The following WDR1 variants were observed in gnomAD, a reference collection of about 807,000 sequenced individuals.
WDR1 encodes WD repeat domain 1, also known as WD repeat-containing protein 1.
Under a neutral mutation model 71.9 loss-of-function variants are expected in WDR1, and 21 were observed. The observed-to-expected ratio is 0.29, with a 90% confidence interval of 0.21 to 0.42. The LOEUF (loss-of-function observed/expected upper bound fraction) is 0.42, where lower values mean the gene tolerates loss of function less well. Among genes scored for constraint, WDR1 ranks in the 10% least tolerant of loss-of-function variants. WDR1 has a pLI of 1.00. For missense variants in WDR1, 696 were observed against 824.5 expected (o/e 0.84, Z 1.91); for synonymous variants, 424 against 347.4 (o/e 1.22, Z -2.45).
At chr4:10,099,788 C>T (rs189001469) in intron 3 of WDR1, among the ~76,000 whole-genome samples, 3 of 152,372 alleles carry the variant, frequency 2.0e-5, no homozygotes, top group East Asian at 1.9e-4. Context: ...AGCAGTTCCA[C>T]GACGCACAGG....
intron 5 of WDR1, chr4:10,095,828 G>A (rs1480895793): frequency 6.6e-6 from 1 of 152,230 alleles, no homozygotes; most frequent in Non-Finnish European, 1.5e-5. Flanking sequence ...ACCCGAGGGG[G>A]GCACAGCCAC....
intron 8 of WDR1, among the ~76,000 whole-genome samples, chr4:10,085,712 C>G (rs999256305): frequency 9.2e-5 from 14 of 152,248 alleles, no homozygotes; most frequent in African/African-American, 3.4e-4. Flanking sequence ...CTGAGACTTC[C>G]CTGTAAACTT....
intron 14 of WDR1, chr4:10,075,861 T>C (rs548498023): frequency 4.7e-4 from 112 of 239,596 alleles, no homozygotes; most frequent in African/African-American, 2.4e-3. Flanking sequence ...CTACACTGTA[T>C]CCATGCCCTA....
At chr4:10,089,495 G>T (rs1448452310) in intron 5 of WDR1, among the ~76,000 whole-genome samples, 1 of 147,682 alleles carries the variant, frequency 6.8e-6, no homozygotes, top group Non-Finnish European at 1.5e-5. Flanking sequence ...TGACTTCCAG[G>T]GGCGACTCTG....
intron 5 of WDR1, among the ~76,000 whole-genome samples, chr4:10,089,614 T>A (rs1385407127): frequency 6.6e-6 from 1 of 152,224 alleles, no homozygotes; most frequent in Non-Finnish European, 1.5e-5. Context: ...TGCCCTGCCC[T>A]CTTGCTGCCC....
intron 4 of WDR1, among the ~76,000 whole-genome samples, chr4:10,098,270 A>C (rs1444997255): frequency 1.3e-5 from 2 of 152,214 alleles, no homozygotes; most frequent in African/African-American, 2.4e-5. Flanking sequence ...CTGACATTCA[A>C]CAAAAACACT....
In WDR1 at chr4:10,075,278, G is replaced by T; in HGVS notation, c.*100C>A. 1 of 1,032,598 alleles carries T rather than the reference G, an allele frequency of 9.7e-7. No homozygotes were observed. Among genetic ancestry groups the T allele is most frequent in the Non-Finnish European group, 1.5e-6 (1 of 685,256 alleles). 64.0% of individuals were successfully genotyped at this position (1,032,598 alleles called of 1,614,324 possible). A position where few individuals can be genotyped will look rare whatever the true frequency, so the allele number is the denominator to read the frequency against. On this transcript the variant is annotated 3_prime_UTR_variant, in exon 15 of 15. Coordinates refer to ENST00000499869, the MANE Select transcript of WDR1 (RefSeq NM_017491.5). Reference sequence around the variant, plus strand: ...CCTCCTGCCTCTTGTGGTGGGGTGGGGGCATGGGGGCGCGTCACAGAAATA... The same window carrying T: ...CCTCCTGCCTCTTGTGGTGGGGTGGTGGCATGGGGGCGCGTCACAGAAATA...
chr4:10,108,493 A>G (rs1337804391), intron 2 of WDR1: 2 of 152,242 alleles, frequency 1.3e-5, no homozygotes, highest in African/African-American at 4.8e-5. Context: ...CGGGAACCCC[A>G]GAGAAAGTCT....
At position 10,077,300 on chromosome 4, in the gene WDR1, T is replaced by G; in HGVS notation, c.1714+4A>C. On this transcript the variant is annotated splice_donor_region_variant and intron_variant, in intron 14 of 14. Coordinates refer to ENST00000499869, the MANE Select transcript of WDR1 (RefSeq NM_017491.5). ...CCCTGCCAAGGCCTGGGGGCGGAAG[T>G]CACCTTGGATCTTGACTCTGGTTTC... The G allele has an allele frequency of 6.2e-7, 1 of 1,613,824 alleles. No individual in the cohort carries two copies. Among genetic ancestry groups the G allele is most frequent in the Non-Finnish European group, 8.5e-7 (1 of 1,179,814 alleles).
At chr4:10,107,703 C>G (rs539328989) in intron 2 of WDR1, among the ~76,000 whole-genome samples, 1 of 152,336 alleles carries the variant, frequency 6.6e-6, no homozygotes, top group East Asian at 1.9e-4. Flanking sequence ...GACCTCGAGA[C>G]AAGCCCCAGA....
chr4:10,093,229 C>A lies in WDR1; in HGVS notation c.558+4482G>T, dbSNP rs1005724080. 4 of 1,104,176 alleles carry A rather than the reference C, an allele frequency of 3.6e-6. No homozygotes were observed. In the African/African-American group the frequency reaches 6.4e-5, roughly 18 times the overall value. The allele number at this position is 1,104,176 out of a possible 1,614,324, so 68.4% of individuals were successfully genotyped here. A position where few individuals can be genotyped will look rare whatever the true frequency, so the allele number is the denominator to read the frequency against. On this transcript the variant is annotated intron_variant, in intron 5 of 14. Transcript: ENST00000499869. ...CCCCATTCCCCCCAGCCTCAGCTGA[C>A]CCTGTACACAAGAGGACCACAAGCC...
intron 5 of WDR1, among the ~76,000 whole-genome samples, chr4:10,089,694 C>T (rs892788772): frequency 1.3e-5 from 2 of 152,184 alleles, no homozygotes; most frequent in South Asian, 2.1e-4. Context: ...AGGAAGGGCT[C>T]GCTGCTCAGC....
intron 5 of WDR1, chr4:10,091,528 C>T (rs900750945): frequency 1.3e-5 from 2 of 152,292 alleles, no homozygotes; most frequent in African/African-American, 4.8e-5. Flanking sequence ...ATCACCTGCA[C>T]GAATCTGGTC....
intron 5 of WDR1, among the ~76,000 whole-genome samples, chr4:10,096,896 A>G (rs1712380241): frequency 6.6e-6 from 1 of 152,170 alleles, no homozygotes; most frequent in South Asian, 2.1e-4. Flanking sequence ...GTTCTTGTCC[A>G]TCCTCAGCGC....
intron 9 of WDR1, chr4:10,083,465 A>G: frequency 1.8e-6 from 1 of 551,214 alleles, no homozygotes; most frequent in South Asian, 1.6e-5. Context: ...CTCCTCTGCT[A>G]CTAGTTATCG....
intron 8 of WDR1, 50 bp from the exon 9 acceptor site, chr4:10,084,580 C>T (rs756771198): frequency 1.9e-5 from 30 of 1,547,888 alleles, no homozygotes; most frequent in Middle Eastern, 1.7e-4. Flanking sequence ...ACTGCCCTGC[C>T]CTCTGCCACC....
intron 3 of WDR1, among the ~76,000 whole-genome samples, chr4:10,101,425 C>T (rs1037903025): frequency 6.6e-6 from 1 of 152,190 alleles, no homozygotes. Context: ...TATTTTTAGC[C>T]CCACTTCATC....
intron 12 of WDR1, 91 bp downstream of exon 12, chr4:10,078,800 G>T: frequency 2.6e-6 from 3 of 1,144,986 alleles, no homozygotes; most frequent in Non-Finnish European, 3.7e-6. Flanking sequence ...CGCCTTCCCT[G>T]AGACAGCCCC....
chr4:10,098,519 CCT>C (rs1439715434), intron 4 of WDR1, among the ~76,000 whole-genome samples: 1 of 152,172 alleles, frequency 6.6e-6, no homozygotes, highest in Non-Finnish European at 1.5e-5. Context: ...TCACTAGGCC[CCT>C]GAGGTCAGTA....
Sources: allele counts gnomAD v4.1 joint callset (sites outside exome capture counted in the v4.1 genomes callset), GRCh38; gene constraint gnomAD v4.1.1; transcripts MANE v1.5; gene names NCBI Gene and HGNC (gene_info 2026-07-23, HGNC 2026-07-21).